The following PTK2 variants were observed in gnomAD, a reference collection of about 807,000 sequenced individuals.
The protein encoded by PTK2 is protein tyrosine kinase 2.
A neutral mutation model predicts 150.1 loss-of-function variants in PTK2; 45 were observed. That is an observed-to-expected ratio of 0.30 (90% CI 0.24 to 0.38). The LOEUF is 0.38. Among genes scored for constraint, PTK2 ranks in the 10% least tolerant of loss-of-function variants. The pLI, the probability that PTK2 is intolerant of heterozygous loss-of-function variation, is 1.00. For synonymous variants in PTK2, 432 were observed against 449.2 expected, an observed-to-expected ratio of 0.96 and a Z score of 0.48; for missense variants, 919 against 1,307.3, an observed-to-expected ratio of 0.70 and a Z score of 4.58.
intron 1 of PTK2, among the ~76,000 whole-genome samples, chr8:140,987,106 TG>T (rs1393201442): frequency 6.6e-6 from 1 of 152,126 alleles, no homozygotes; most frequent in Admixed American, 6.6e-5. Context: ...AAATATAGTA[TG>T]TATCTGATAA....
chr8:140,718,891 A>T (rs887848802), intron 22 of PTK2, among the ~76,000 whole-genome samples: 1 of 152,206 alleles, frequency 6.6e-6, no homozygotes. Flanking sequence ...AAATGATCAC[A>T]TCAGGACCGG....
intron 29 of PTK2, among the ~76,000 whole-genome samples, chr8:140,670,485 AACAACACAC>A (rs1196026955): frequency 7.3e-4 from 27 of 36,968 alleles, no homozygotes; most frequent in African/African-American, 2.2e-3. Flanking sequence ...AAAAAAAAAC[AACAACACAC>A]ACACACACAC....
intron 15 of PTK2, 189 bp downstream of exon 17, chr8:140,764,045 T>C: frequency 1.6e-6 from 1 of 618,112 alleles, no homozygotes; most frequent in Non-Finnish European, 2.9e-6. Context: ...TATTTGAGTT[T>C]TAGGCTTCTG....
chr8:140,742,580 A>T (rs930503671), intron 20 of PTK2, among the ~76,000 whole-genome samples: 1 of 152,124 alleles, frequency 6.6e-6, no homozygotes, highest in African/African-American at 2.4e-5. Context: ...TTGTGTTCTT[A>T]ATTTGCATTT....
At chr8:140,745,108 T>C (rs1207053185) in intron 18 of PTK2, among the ~76,000 whole-genome samples, 2 of 152,220 alleles carry the variant, frequency 1.3e-5, no homozygotes, top group African/African-American at 4.8e-5. Flanking sequence ...AAAAAAGATC[T>C]AGTTACTATC....
chr8:140,871,209 A>C (rs1442236180), intron 4 of PTK2, among the ~76,000 whole-genome samples: 3 of 152,240 alleles, frequency 2.0e-5, no homozygotes, highest in African/African-American at 7.2e-5. Flanking sequence ...TCTGAAAACA[A>C]AATTTTCTAA....
intron 10 of PTK2, among the ~76,000 whole-genome samples, chr8:140,815,153 C>G (rs1023803669): frequency 6.6e-6 from 1 of 151,778 alleles, no homozygotes; most frequent in African/African-American, 2.4e-5. Flanking sequence ...TGGAATCAAC[C>G]TAAATGCCCA....
chr8:140,981,815 C>T (rs542364392), intron 1 of PTK2, among the ~76,000 whole-genome samples: 26 of 152,118 alleles, frequency 1.7e-4, no homozygotes, highest in Non-Finnish European at 3.5e-4. Context: ...TACTGTCTAG[C>T]CCTTCACGAA....
At chr8:140,857,057 T>C (rs2100133091) in intron 5 of PTK2, among the ~76,000 whole-genome samples, 1 of 152,182 alleles carries the variant, frequency 6.6e-6, no homozygotes, top group African/African-American at 2.4e-5. Flanking sequence ...AAATAAAATT[T>C]TGAGGCACAG....
intron 26 of PTK2, among the ~76,000 whole-genome samples, chr8:140,691,159 G>A (rs1315470248): frequency 6.7e-6 from 1 of 149,378 alleles, no homozygotes; most frequent in Non-Finnish European, 1.5e-5. Flanking sequence ...TATTTCCCTG[G>A]GACAGATTTC....
intron 2 of PTK2, among the ~76,000 whole-genome samples, chr8:140,905,938 A>G (rs1247251927): frequency 6.6e-6 from 1 of 152,168 alleles, no homozygotes; most frequent in Non-Finnish European, 1.5e-5. Context: ...TAAGAAATGA[A>G]GGCAGAAATA....
intron 18 of PTK2, among the ~76,000 whole-genome samples, chr8:140,745,261 G>A (rs1053608510): frequency 2.0e-5 from 3 of 152,206 alleles, no homozygotes; most frequent in African/African-American, 4.8e-5. Flanking sequence ...AGTTTTGGAT[G>A]CAGAAGCACA....
At chr8:140,675,342 G>T (rs2100013026) in intron 28 of PTK2, 118 bp downstream of exon 31, 1 of 1,070,102 alleles carries the variant, frequency 9.3e-7, no homozygotes, top group Non-Finnish European at 1.4e-6. Flanking sequence ...ACTTGCTGTG[G>T]TCTGTAGAGG....
At chr8:140,772,136 A>C (rs1336006286) in intron 14 of PTK2, among the ~76,000 whole-genome samples, 1 of 152,128 alleles carries the variant, frequency 6.6e-6, no homozygotes, top group Non-Finnish European at 1.5e-5. Flanking sequence ...CTTGACTTAA[A>C]AGCTACCTTT....
At chr8:140,837,436 T>A (rs574667984) in intron 7 of PTK2, among the ~76,000 whole-genome samples, 5 of 152,154 alleles carry the variant, frequency 3.3e-5, no homozygotes, top group South Asian at 2.1e-4. Flanking sequence ...TAACTCAAAA[T>A]AGTTATTTAT....
chr8:140,744,759 T>C lies in PTK2; in HGVS notation c.1527A>G (p.Ser509=), dbSNP rs759276607. 7 of 1,546,408 alleles carry C rather than the reference T, an allele frequency of 4.5e-6. No homozygotes were observed. In the East Asian group the frequency reaches 1.6e-4, roughly 35 times the overall value. Reference sequence around the variant, plus strand: ...AACTGTATTTCCTTACTTGCAAAAATGACCTCAGCTTTTGGAACAATGACC... The same window carrying C: ...AACTGTATTTCCTTACTTGCAAAAACGACCTCAGCTTTTGGAACAATGACC... The change falls in exon 19 of 32, where the codon TCA becomes TCG. Residue 509 remains serine (S), a synonymous_variant. Coordinates refer to ENST00000522684, the Ensembl canonical transcript of PTK2.
chr8:140,971,882 T>C lies in PTK2; in HGVS notation c.-122+29243A>G, dbSNP rs562247803. On this transcript the variant is annotated intron_variant, in intron 1 of 31. Coordinates refer to ENST00000522684, the Ensembl canonical transcript of PTK2. ...TTTCAAAATCCATTTAACTGTGCAA[T>C]TGAGGTGCTTCCATCTAACCACCAA... 4.6e-5 allele frequency among the ~76,000 whole-genome samples: 7 copies of C among 152,342 alleles called. No individual in the cohort carries two copies. In the South Asian group the frequency reaches 6.2e-4, roughly 14 times the overall value.
At chr8:140,976,150 T>A (rs1451457433) in intron 1 of PTK2, among the ~76,000 whole-genome samples, 1 of 152,214 alleles carries the variant, frequency 6.6e-6, no homozygotes, top group Non-Finnish European at 1.5e-5. Context: ...AAAAGTCACA[T>A]GACTAAAGGC....
intron 1 of PTK2, among the ~76,000 whole-genome samples, chr8:140,944,586 T>C (rs1386714814): frequency 2.0e-5 from 3 of 152,206 alleles, no homozygotes; most frequent in African/African-American, 4.8e-5. Flanking sequence ...ATTAACACAA[T>C]GACTGACACA....
Sources: gnomAD v4.1 joint callset for allele counts (sites outside exome capture counted in the v4.1 genomes callset) on GRCh38, gnomAD v4.1.1 for gene constraint, MANE v1.5 for transcripts, NCBI Gene and HGNC (gene_info 2026-07-23, HGNC 2026-07-21) for gene names.